Variants in PARP9 observed in about 807,000 individuals in gnomAD.
PARP9 encodes the protein poly(ADP-ribose) polymerase family member 9, also known as protein mono-ADP-ribosyltransferase PARP9.
Under a neutral mutation model 68.8 loss-of-function variants are expected in PARP9, and 48 were observed. The observed-to-expected ratio is 0.70, with a 90% CI of 0.55 to 0.89. The LOEUF is 0.89. PARP9 is among the 40% of genes least tolerant of loss of function. The pLI is 0.00. For missense variants in PARP9, 806 were observed against 969.3 expected (o/e 0.83, Z 2.24); for synonymous variants, 309 against 333.8 (o/e 0.93, Z 0.81).
In PARP9 at chr3:122,537,037, T is replaced by G; in HGVS notation, c.1802A>C (p.Glu601Ala). 6.2e-7 allele frequency: 1 copy of G among 1,613,838 alleles called. No individual in the cohort carries two copies. The highest frequency in any genetic ancestry group is 1.1e-5 in the South Asian group (1 of 91,016). The change falls in exon 9 of 11, where the codon GAA becomes GCA. Residue 601 changes from glutamate (E) to alanine (A), a missense_variant. Coordinates refer to ENST00000682323, the MANE Select transcript of PARP9 (RefSeq NM_001146105.2). ...WTIQQQKTQD[E>A]MKENIIFLKC... Reference sequence around the variant, plus strand: ...CAGAAATATGATATTTTCTTTCATTTCGTCTTGGGTTTTTTGTTGCTGAAT... The same window carrying G: ...CAGAAATATGATATTTTCTTTCATTGCGTCTTGGGTTTTTTGTTGCTGAAT...
intron 8 of PARP9, among the ~76,000 whole-genome samples, chr3:122,538,658 C>CCCCACA (rs1553714231): frequency 1.4e-5 from 2 of 144,942 alleles, no homozygotes; most frequent in Non-Finnish European, 3.0e-5. Flanking sequence ...TAAAGCAATG[C>CCCCACA]CACACACACA....
chr3:122,564,655 C>T (rs763639862), upstream of PARP9: 3 of 1,558,506 alleles, frequency 1.9e-6, no homozygotes, highest in Non-Finnish European at 2.6e-6. Flanking sequence ...CTCTGGGGGC[C>T]CGGCCCCCGG....
intron 3 of PARP9, among the ~76,000 whole-genome samples, chr3:122,557,427 G>A (rs573445881): frequency 5.9e-5 from 9 of 152,214 alleles, no homozygotes; most frequent in African/African-American, 1.9e-4. Context: ...ATTATTTACC[G>A]TATGTGGCAG....
Position 122,538,009 on chromosome 3 carries a change from T to TC in PARP9, c.1766-937dup, listed in dbSNP as rs144004623. On this transcript the variant is annotated intron_variant, in intron 8 of 10. Transcript: ENST00000682323. ...GACCAAGTATACTAAAATGACCTAA[T>TC]CCCTGGTTCATTATCTAATTGAATG... 6.8e-3 allele frequency among the ~76,000 whole-genome samples: 1,034 copies of TC among 152,320 alleles called. 5 individuals carry two copies. Among genetic ancestry groups the TC allele is most frequent in the African/African-American group, 0.024 (989 of 41,564 alleles).
At position 122,559,640 on chromosome 3, in the gene PARP9, G is replaced by A; in HGVS notation, c.-20C>T. ...GTCCATCCTCCAGGTCCCCGGGGGA[G>A]TCTTTAAATGTTTATTCCCTTTTGC... is the stretch of plus-strand genomic sequence containing the variant. On this transcript the variant is annotated 5_prime_UTR_variant, in exon 2 of 11. Transcript: ENST00000682323. 1 of 1,584,562 alleles carries A rather than the reference G, an allele frequency of 6.3e-7. No homozygotes were observed. The highest frequency in any genetic ancestry group is 8.6e-7 in the Non-Finnish European group (1 of 1,166,354).
In PARP9 at chr3:122,555,297, C is replaced by T; in HGVS notation, c.874G>A (p.Glu292Lys). 1 of 1,606,700 alleles carries T rather than the reference C, an allele frequency of 6.2e-7. No individual in the cohort carries two copies. Among genetic ancestry groups the T allele is most frequent in the Non-Finnish European group, 8.5e-7 (1 of 1,176,448 alleles). The stretch of plus-strand genomic sequence containing the variant: ...AAACAAAGACTTACCGTCTGCCATT[C>T]AATGTGGCCCTGGACAATCTGGAGG... ...LTLQIVQGHI[E>K]WQTADVIVNS... is the part of the protein sequence containing the mutation. Residue 292 changes from glutamate to lysine, a missense_variant, in exon 4 of 11, where the codon GAA becomes AAA. Glu to Lys is a moderately conservative substitution (Grantham distance 56). This residue lies in a region of PARP9 where 680 missense variants were observed against 858.8 expected (regional missense o/e 0.79). Transcript: ENST00000682323.
intron 3 of PARP9, among the ~76,000 whole-genome samples, chr3:122,557,528 G>C (rs2079803840): frequency 6.6e-6 from 1 of 152,156 alleles, no homozygotes; most frequent in Admixed American, 6.5e-5. Flanking sequence ...AGCCCCTCAG[G>C]GTTCATCTCA....
chr3:122,534,565 T>C, intron 10 of PARP9: 1 of 554,480 alleles, frequency 1.8e-6, no homozygotes, highest in Non-Finnish European at 2.3e-6. Context: ...TTGGGGGCAG[T>C]ATCTTGCCTT....
chr3:122,530,094 T>C (rs2077203928), intron 10 of PARP9, among the ~76,000 whole-genome samples: 1 of 147,174 alleles, frequency 6.8e-6, no homozygotes, highest in African/African-American at 2.5e-5. Flanking sequence ...GGAGGACTGA[T>C]TGAACTCAGG....
At chr3:122,558,121 T>C (rs535956467) in intron 3 of PARP9, among the ~76,000 whole-genome samples, 29 of 152,338 alleles carry the variant, frequency 1.9e-4, no homozygotes, top group African/African-American at 6.7e-4. Flanking sequence ...CAGAACTATT[T>C]AGCTTGTATA....
At chr3:122,539,507 A>ATTTCTTTCTTTCTCTTTC in intron 8 of PARP9, among the ~76,000 whole-genome samples, 1 of 133,162 alleles carries the variant, frequency 7.5e-6, no homozygotes, top group African/African-American at 2.9e-5. Context: ...CCAAGATGGC[A>ATTTCTTTCTTTCTCTTTC]TTTCTTTCTT....
chr3:122,552,690 A>G (rs547980111), intron 4 of PARP9, 51 bp from the exon 5 acceptor site: 1 of 1,367,852 alleles, frequency 7.3e-7, no homozygotes, highest in South Asian at 1.2e-5. Context: ...TTCTTCTTAA[A>G]TGACTAATTT....
chr3:122,564,675 C>G, upstream of PARP9: 1 of 1,540,042 alleles, frequency 6.5e-7, no homozygotes, highest in Non-Finnish European at 8.7e-7. Flanking sequence ...GGTTTCCAGG[C>G]GGACCCAGTT....
Position 122,555,252 on chromosome 3 carries a change from G to A in PARP9, c.885+34C>T, listed in dbSNP as rs201516525. ...ATTATTTAATTTTCAGGGATCACCT[G>A]TGCCAGTGCAAGAGAATAGAAACAA... On this transcript the variant is annotated intron_variant, in intron 4 of 10. Coordinates refer to ENST00000682323, the MANE Select transcript of PARP9 (RefSeq NM_001146105.2). 6.5e-6 allele frequency: 10 copies of A among 1,549,306 alleles called. No individual in the cohort carries two copies. In the East Asian group the frequency reaches 2.2e-4, roughly 35 times the overall value.
At chr3:122,559,015 T>A (rs1002285261) in intron 2 of PARP9, among the ~76,000 whole-genome samples, 1 of 152,122 alleles carries the variant, frequency 6.6e-6, no homozygotes, top group Non-Finnish European at 1.5e-5. Context: ...CGCCAATGCA[T>A]CTCAGTGCAT....
chr3:122,535,422 G>C (rs1172037428), intron 10 of PARP9: 1 of 985,210 alleles, frequency 1.0e-6, no homozygotes, highest in African/African-American at 1.7e-5. Flanking sequence ...TACATATGTT[G>C]AAAGATAAAG....
intron 7 of PARP9, among the ~76,000 whole-genome samples, chr3:122,542,438 G>C (rs1309234680): frequency 6.6e-6 from 1 of 151,134 alleles, no homozygotes; most frequent in African/African-American, 2.4e-5. Context: ...ACAGAGTCTC[G>C]CTCTGTTGCC....
chr3:122,532,364 A>C (rs2077370124), intron 10 of PARP9: 1 of 985,170 alleles, frequency 1.0e-6, no homozygotes, highest in African/African-American at 1.7e-5. Flanking sequence ...GCAGAGGACA[A>C]TGGGAGCCAT....
At chr3:122,542,413 A>T (rs2078313522) in intron 7 of PARP9, among the ~76,000 whole-genome samples, 1 of 150,874 alleles carries the variant, frequency 6.6e-6, no homozygotes, top group South Asian at 2.1e-4. Context: ...TAATAATACT[A>T]ATTTTTTTTT....
Sources: allele counts gnomAD v4.1 joint callset (sites outside exome capture counted in the v4.1 genomes callset), GRCh38; gene constraint gnomAD v4.1.1; regional missense constraint gnomAD v4.1.1; transcripts MANE v1.5; gene names NCBI Gene and HGNC (gene_info 2026-07-23, HGNC 2026-07-21).